NFKBID: variants seen among roughly 807,000 people sequenced by gnomAD.
NFKBID encodes the protein NFKB inhibitor delta, also known as NF-kappa-B inhibitor delta.
In NFKBID, 26 loss-of-function variants were observed where a neutral mutation model predicts 53.4. That is an observed-to-expected ratio of 0.49 (90% CI 0.36 to 0.68). NFKBID has a LOEUF of 0.68. NFKBID is among the 30% of genes least tolerant of loss of function. The pLI is 0.00. For synonymous variants in NFKBID, 262 were observed against 259.8 expected, an observed-to-expected ratio of 1.01 and a Z score of -0.08; for missense variants, 493 against 614.1, an observed-to-expected ratio of 0.80 and a Z score of 2.08.
At chr19:35,897,589 C>A in intron 4 of NFKBID, 62 bp downstream of exon 4, 1 of 825,164 alleles carries the variant, frequency 1.2e-6, no homozygotes, top group South Asian at 1.4e-5. Context: ...CAGAATACTG[C>A]AGGAGTGCAA....
At chr19:35,890,869 T>A (rs77366680) in intron 9 of NFKBID, among the ~76,000 whole-genome samples, 7 of 151,248 alleles carry the variant, frequency 4.6e-5, no homozygotes, top group South Asian at 4.2e-4. Context: ...ATCTCAAAAT[T>A]AATAAATAAA....
chr19:35,889,949 G>A (rs1486519687), exon 11 of NFKBID: 5 of 1,611,952 alleles, frequency 3.1e-6, no homozygotes, highest in Non-Finnish European at 3.4e-6. Flanking sequence ...TCCAGGTTGC[G>A]CAGTGTGGGG....
At chr19:35,898,862 T>A in intron 1 of NFKBID, 40 bp from the exon 2 acceptor site, 2 of 1,471,424 alleles carry the variant, frequency 1.4e-6, no homozygotes, top group Non-Finnish European at 1.8e-6. Context: ...CAAGGGTCCT[T>A]AAGTCACCTA....
In NFKBID at chr19:35,890,067, G is replaced by C; in HGVS notation, c.1150-13C>G. On this transcript the variant is annotated splice_polypyrimidine_tract_variant and intron_variant, in intron 10 of 11. Transcript: ENST00000641389. ...TGTTCCCGTGGGCCTGGAAAAGTAA[G>C]GGGAGGGCTGGTGGGGATCTGGGCT... The C allele has an allele frequency of 6.3e-7, 1 of 1,590,480 alleles. No individual in the cohort carries two copies. The highest frequency in any genetic ancestry group is 1.1e-5 in the South Asian group (1 of 89,754).
chr19:35,900,918 C>T (rs752502728), upstream of NFKBID, among the ~76,000 whole-genome samples: 11 of 149,400 alleles, frequency 7.4e-5, no homozygotes, highest in Non-Finnish European at 1.0e-4. Flanking sequence ...CTGCAAACTC[C>T]GCCTCCTGAA....
rs950843943 is a variant in NFKBID at position 35,898,724 on chromosome 19, C to A, written c.160G>T (p.Val54Leu). 14 of 1,535,706 alleles carry A rather than the reference C, an allele frequency of 9.1e-6. No homozygotes were observed. The East Asian group carries it at 3.2e-4, about 35-fold the overall frequency. Reference sequence around the variant, plus strand: ...CTGTGGCTCCCTGGCCTCACCTGCACCCCGCCAGCGTCGGGCTGCTGCTGC... The same window carrying A: ...CTGTGGCTCCCTGGCCTCACCTGCAACCCGCCAGCGTCGGGCTGCTGCTGC... Residue 54 changes from valine to leucine, a missense_variant, in exon 2 of 12, where the codon GTG becomes TTG. Physicochemically the swap from Val to Leu is conservative, Grantham distance 32. Coordinates refer to ENST00000641389, the Ensembl canonical transcript of NFKBID.
At chr19:35,892,938 G>A (rs1016816754) in intron 9 of NFKBID, among the ~76,000 whole-genome samples, 3 of 152,218 alleles carry the variant, frequency 2.0e-5, no homozygotes, top group African/African-American at 7.2e-5. Flanking sequence ...GCCAAGGCTG[G>A]GGGATCACTT....
upstream of NFKBID, chr19:35,901,928 TTCC>T: frequency 2.0e-6 from 1 of 503,704 alleles, no homozygotes; most frequent in South Asian, 2.3e-5. Context: ...CCTGGCAAAG[TTCC>T]TCCTCTTCCC....
chr19:35,897,738 A>T, exon 4 of NFKBID: 1 of 1,612,930 alleles, frequency 6.2e-7, no homozygotes, highest in Non-Finnish European at 8.5e-7. Context: ...CAGCAGAAGC[A>T]GGGCAAGAGT....
intron 4 of NFKBID, 116 bp downstream of exon 4, chr19:35,897,535 C>G: frequency 1.4e-6 from 1 of 710,876 alleles, no homozygotes; most frequent in Non-Finnish European, 2.6e-6. Context: ...TGAGCCACCA[C>G]GCCCGGCCTG....
intron 2 of NFKBID, 88 bp from the exon 3 acceptor site, chr19:35,898,620 C>T: frequency 7.1e-7 from 1 of 1,405,114 alleles, no homozygotes; most frequent in Non-Finnish European, 9.6e-7. Context: ...ACATTTCGGT[C>T]AGGACCACCC....
intron 11 of NFKBID, 143 bp downstream of exon 11, chr19:35,889,747 A>C: frequency 1.2e-6 from 1 of 804,424 alleles, no homozygotes; most frequent in Admixed American, 2.4e-5. Context: ...GTCACATTAT[A>C]GAGTCAGGGT....
At chr19:35,897,885 G>C (rs575467469) in intron 3 of NFKBID, 29 bp from the exon 4 acceptor site, 1 of 1,483,890 alleles carries the variant, frequency 6.7e-7, no homozygotes, top group African/African-American at 1.4e-5. Context: ...GCAGGGGCAG[G>C]TCTGGTTACC....
upstream of NFKBID, among the ~76,000 whole-genome samples, chr19:35,901,375 T>C (rs985576503): frequency 1.7e-4 from 26 of 152,032 alleles, no homozygotes; most frequent in African/African-American, 6.0e-4. Flanking sequence ...AGAGGTCTGG[T>C]TTCATTTACT....
intron 9 of NFKBID, among the ~76,000 whole-genome samples, chr19:35,892,540 T>C (rs186968534): frequency 1.4e-5 from 2 of 144,452 alleles, no homozygotes; most frequent in Middle Eastern, 3.4e-3. Flanking sequence ...CGAGACTCCA[T>C]CTCAAAAAAA....
chr19:35,898,546 A>T lies in NFKBID; in HGVS notation c.166-14T>A. ...GAGAAATTGTCCCTGTAGAGACAAA[A>T]GCAAAAAGGAACCCAGGTGACTTTA... On this transcript the variant is annotated splice_polypyrimidine_tract_variant and intron_variant, in intron 2 of 11. Coordinates refer to ENST00000641389, the Ensembl canonical transcript of NFKBID. 1 of 1,522,236 alleles carries T rather than the reference A, an allele frequency of 6.6e-7. No homozygotes were observed. Among genetic ancestry groups the T allele is most frequent in the Non-Finnish European group, 8.8e-7 (1 of 1,141,684 alleles). 94.3% of individuals were successfully genotyped at this position (1,522,236 alleles called of 1,614,324 possible).
At chr19:35,897,533 C>T (rs1201440537) in intron 4 of NFKBID, 118 bp downstream of exon 4, 2 of 705,726 alleles carry the variant, frequency 2.8e-6, no homozygotes, top group Non-Finnish European at 5.2e-6. Flanking sequence ...TGTGAGCCAC[C>T]ACGCCCGGCC....
intron 4 of NFKBID, chr19:35,897,448 T>A (rs1327833747): frequency 1.6e-6 from 1 of 613,976 alleles, no homozygotes; most frequent in African/African-American, 1.8e-5. Flanking sequence ...TTCACCATGT[T>A]GGCCAAGCTG....
At chr19:35,898,596 C>A in intron 2 of NFKBID, 64 bp from the exon 3 acceptor site, 1 of 1,440,128 alleles carries the variant, frequency 6.9e-7, no homozygotes, top group South Asian at 1.2e-5. Context: ...CCGGGTCTGT[C>A]TCGGATCTAT....
Sources: gnomAD v4.1 joint callset for allele counts (sites outside exome capture counted in the v4.1 genomes callset) on GRCh38, gnomAD v4.1.1 for gene constraint, MANE v1.5 for transcripts, NCBI Gene and HGNC (gene_info 2026-07-23, HGNC 2026-07-21) for gene names.